The following RAB4A variants were observed in gnomAD, a reference collection of about 807,000 sequenced individuals.
RAB4A encodes RAB4A, member RAS oncogene family, also known as ras-related protein Rab-4A.
In RAB4A, 20 loss-of-function variants were observed where a neutral mutation model predicts 34.5. That is an observed-to-expected ratio of 0.58 (90% CI 0.41 to 0.84). The LOEUF (loss-of-function observed/expected upper bound fraction) is 0.84, where lower values mean the gene tolerates loss of function less well. RAB4A is among the 40% of genes least tolerant of loss of function. RAB4A has a pLI of 0.00. For synonymous variants in RAB4A, 102 were observed against 100.0 expected (o/e 1.02, Z -0.12); for missense variants, 228 against 274.5 (o/e 0.83, Z 1.20).
intron 1 of RAB4A, among the ~76,000 whole-genome samples, chr1:229,284,226 A>G (rs1478465264): frequency 1.3e-5 from 2 of 148,454 alleles, no homozygotes. Context: ...CAGCCTCCTG[A>G]GTAGCTGGGA....
At chr1:229,302,250 T>C (rs1455407223) in intron 6 of RAB4A, among the ~76,000 whole-genome samples, 1 of 105,406 alleles carries the variant, frequency 9.5e-6, no homozygotes, top group African/African-American at 3.5e-5. Context: ...AATGTTACAG[T>C]AAATAATTAT....
rs369353995 is a variant in RAB4A at position 229,284,185 on chromosome 1, C to G, written c.32-2301C>G. ...TGCAATCTTGGCCCATTGCAACCTC[C>G]ACCTCCCAGGTTCCAGCAATTCTCC... On this transcript the variant is annotated intron_variant, in intron 1 of 7. Transcript: ENST00000366690. Among the ~76,000 whole-genome samples the G allele has an allele frequency of 7.8e-5, 11 of 140,516 alleles. No homozygotes were observed. In the South Asian group the frequency reaches 2.1e-3, roughly 27 times the overall value. The allele number at this position is 140,516 out of a possible 152,430, so 92.2% of individuals were successfully genotyped here.
intron 1 of RAB4A, among the ~76,000 whole-genome samples, chr1:229,283,674 G>T (rs237756): frequency 0.69 from 104,190 of 151,576 alleles, 36,184 homozygotes; most frequent in African/African-American, 0.77. Flanking sequence ...CTGAAATCCC[G>T]GGTACACTGA....
At chr1:229,285,339 AT>A (rs1656895057) in intron 1 of RAB4A, among the ~76,000 whole-genome samples, 1 of 152,186 alleles carries the variant, frequency 6.6e-6, no homozygotes, top group Non-Finnish European at 1.5e-5. Context: ...CAAAATTCTA[AT>A]AGCATTATTT....
Position 229,304,978 on chromosome 1 carries a change from T to C in RAB4A, c.*1185T>C, listed in dbSNP as rs981618896. On this transcript the variant is annotated 3_prime_UTR_variant, in exon 8 of 8. Coordinates refer to ENST00000366690, the MANE Select transcript of RAB4A (RefSeq NM_004578.4). ...AAGTTGAAATGCAGTATTATTTAAA[T>C]CTGAAAGGTTAAAAAGCTTTCTTCA... 12 of 781,398 alleles carry C rather than the reference T, an allele frequency of 1.5e-5. No homozygotes were observed. The Admixed American group carries it at 4.0e-4, about 26-fold the overall frequency. 48.4% of individuals were successfully genotyped at this position (781,398 alleles called of 1,614,324 possible).
intron 1 of RAB4A, among the ~76,000 whole-genome samples, chr1:229,280,233 A>G (rs1324027654): frequency 6.6e-6 from 1 of 152,252 alleles, no homozygotes; most frequent in African/African-American, 2.4e-5. Context: ...AAACCAGCAA[A>G]CATTGAACAC....
Position 229,275,576 on chromosome 1 carries a change from A to G in RAB4A, c.31+4206A>G, listed in dbSNP as rs112532805. 2.9e-3 allele frequency among the ~76,000 whole-genome samples: 435 copies of G among 152,112 alleles called. 2 individuals carry two copies. Among genetic ancestry groups the G allele is most frequent in the African/African-American group, 9.8e-3 (408 of 41,498 alleles). On this transcript the variant is annotated intron_variant, in intron 1 of 7. Transcript: ENST00000366690. ...AGGATGACAAGGCAAGATGAAGTGA[A>G]GAAGATATCCTTGGTAAAGGAAATA...
At chr1:229,276,104 G>T (rs1404466021) in intron 1 of RAB4A, among the ~76,000 whole-genome samples, 1 of 151,396 alleles carries the variant, frequency 6.6e-6, no homozygotes, top group Non-Finnish European at 1.5e-5. Flanking sequence ...ATAAATATAT[G>T]ATTATACATG....
rs869095524 is a variant in RAB4A at position 229,302,309 on chromosome 1, A to AT, written c.542-537dup. 3.2e-3 allele frequency among the ~76,000 whole-genome samples: 115 copies of AT among 35,898 alleles called. 6 individuals are homozygous for AT. The highest frequency in any genetic ancestry group is 0.029 in the Middle Eastern group (1 of 34). 23.6% of individuals were successfully genotyped at this position (35,898 alleles called of 152,430 possible). On this transcript the variant is annotated intron_variant, in intron 6 of 7. Transcript: ENST00000366690. ...TATATATATATATATATATATATAT[A>AT]TTTTTTTTTTTTTTTTACATGTGCA...
intron 6 of RAB4A, among the ~76,000 whole-genome samples, chr1:229,302,303 ATATATATTT>A (rs1469993501): frequency 4.3e-4 from 17 of 39,674 alleles, no homozygotes; most frequent in Non-Finnish European, 6.4e-4. Flanking sequence ...ATATATATAT[ATATATATTT>A]TTTTTTTTTT....
At chr1:229,285,904 G>T (rs1656909777) in intron 1 of RAB4A, among the ~76,000 whole-genome samples, 1 of 152,192 alleles carries the variant, frequency 6.6e-6, no homozygotes, top group Admixed American at 6.5e-5. Context: ...TAAAGAAGAA[G>T]TTATTCAGTT....
chr1:229,299,380 C>T (rs780032611), intron 6 of RAB4A, among the ~76,000 whole-genome samples: 17 of 152,136 alleles, frequency 1.1e-4, no homozygotes, highest in African/African-American at 2.7e-4. Flanking sequence ...CTTCACTAAA[C>T]GGAGGAAGAA....
chr1:229,291,056 CCA>C (rs1182917868), intron 3 of RAB4A, among the ~76,000 whole-genome samples: 1 of 152,142 alleles, frequency 6.6e-6, no homozygotes, highest in East Asian at 1.9e-4. Flanking sequence ...GAAAAAGCAG[CCA>C]CATATAAAGT....
chr1:229,299,804 T>C (rs1657335493), intron 6 of RAB4A, among the ~76,000 whole-genome samples: 1 of 152,058 alleles, frequency 6.6e-6, no homozygotes, highest in South Asian at 2.1e-4. Flanking sequence ...AGGATAATTA[T>C]AATATCACAA....
chr1:229,299,995 G>A (rs1461275908), intron 6 of RAB4A, among the ~76,000 whole-genome samples: 1 of 152,142 alleles, frequency 6.6e-6, no homozygotes, highest in East Asian at 1.9e-4. Flanking sequence ...GGGAATAGCA[G>A]GAGAAAAGGT....
intron 1 of RAB4A, among the ~76,000 whole-genome samples, chr1:229,275,713 C>T (rs79721256): frequency 0.19 from 28,808 of 150,770 alleles, 2,766 homozygotes; most frequent in African/African-American, 0.21. Flanking sequence ...CTCCACCTCC[C>T]GGGTTCAAGC....
intron 1 of RAB4A, among the ~76,000 whole-genome samples, chr1:229,282,927 T>A (rs1378732911): frequency 6.6e-6 from 1 of 152,268 alleles, no homozygotes; most frequent in Non-Finnish European, 1.5e-5. Context: ...ACATTTGTCA[T>A]CTTGACATAG....
At chr1:229,299,990 T>C (rs1002176693) in intron 6 of RAB4A, among the ~76,000 whole-genome samples, 3 of 152,098 alleles carry the variant, frequency 2.0e-5, no homozygotes, top group African/African-American at 4.8e-5. Flanking sequence ...GAAGAGGGAA[T>C]AGCAGGAGAA....
intron 2 of RAB4A, among the ~76,000 whole-genome samples, chr1:229,287,062 A>T (rs932663024): frequency 6.6e-6 from 1 of 152,196 alleles, no homozygotes; most frequent in Non-Finnish European, 1.5e-5. Context: ...TTTTTATTTC[A>T]AACTATGTGA....
Sources: gnomAD v4.1 joint callset for allele counts (sites outside exome capture counted in the v4.1 genomes callset) on GRCh38, gnomAD v4.1.1 for gene constraint, MANE v1.5 for transcripts, NCBI Gene and HGNC (gene_info 2026-07-23, HGNC 2026-07-21) for gene names.